Variants in POMT1 observed in about 807,000 individuals in gnomAD.
POMT1 encodes the protein protein O-mannosyl-transferase 1.
POMT1 carries 85 observed loss-of-function variants against 101.6 expected under a neutral mutation model. The ratio of observed to expected loss-of-function variants is 0.84; its 90% CI spans 0.70 to 1.00. The LOEUF (loss-of-function observed/expected upper bound fraction) is 1.00, where lower values mean the gene tolerates loss of function less well. POMT1 is among the 50% of genes least tolerant of loss of function. POMT1 has a pLI of 0.00. For synonymous variants in POMT1, 371 were observed against 383.0 expected, an observed-to-expected ratio of 0.97 and a Z score of 0.37; for missense variants, 857 against 930.4, an observed-to-expected ratio of 0.92 and a Z score of 1.03.
Position 131,518,496 on chromosome 9 carries a change from G to C in POMT1, c.1324G>C (p.Glu442Gln). The C allele has an allele frequency of 6.2e-7, 1 of 1,613,986 alleles. No homozygotes were observed. Among genetic ancestry groups the C allele is most frequent in the Non-Finnish European group, 8.5e-7 (1 of 1,180,026 alleles). Residue 442 changes from glutamate to glutamine, a missense_variant, in exon 14 of 20, where the codon GAG becomes CAG. Coordinates refer to ENST00000402686, the MANE Select transcript of POMT1 (RefSeq NM_001077365.2). ...AGACGTCTGGAAGACCATCCTCTCA[G>C]AGGTCCGCTTTGTGCACGTGAACAC... Reference protein sequence around the residue: ...DTDVWKTILSEVRFVHVNTSA... With the variant: ...DTDVWKTILSQVRFVHVNTSA...
At chr9:131,517,255 G>A (rs1192910022) in intron 13 of POMT1, among the ~76,000 whole-genome samples, 1 of 145,848 alleles carries the variant, frequency 6.9e-6, no homozygotes, top group Non-Finnish European at 1.5e-5. Context: ...TTTTGCGACT[G>A]GGTCTCACTC....
chr9:131,511,431 G>T lies in POMT1; in HGVS notation c.950G>T (p.Cys317Phe). Residue 317 changes from cysteine to phenylalanine, a missense_variant, in exon 10 of 20, where the codon TGC (cysteine) becomes TTC (phenylalanine). Coordinates refer to ENST00000402686, the MANE Select transcript of POMT1 (RefSeq NM_001077365.2). Reference protein sequence around the residue: ...LRNVFGKPVPCWLHSHQDTYP... With the variant: ...LRNVFGKPVPFWLHSHQDTYP... ...AACGTCTTTGGGAAACCTGTGCCCT[G>T]CTGGCTTCATTCCCACCAGGACACC... The T allele has an allele frequency of 6.2e-7, 1 of 1,614,196 alleles. No individual in the cohort carries two copies.
intron 17 of POMT1, chr9:131,521,110 T>C (rs1378260238): frequency 1.8e-6 from 1 of 553,632 alleles, no homozygotes; most frequent in East Asian, 3.5e-5. Context: ...CCCAAAGTGC[T>C]GGGATTACAG....
Position 131,504,244 on chromosome 9 carries a change from T to C in POMT1, c.26T>C (p.Val9Ala), listed in dbSNP as rs1945225387. Residue 9 changes from valine to alanine, a missense_variant, in exon 2 of 20, where the codon GTA becomes GCA. Coordinates refer to ENST00000402686, the MANE Select transcript of POMT1 (RefSeq NM_001077365.2). ...ATGTGGGGATTTTTGAAGCGCCCTG[T>C]AGTGGTGACGGCTGACATCAACTTG... MWGFLKRP[V>A]VVTADINLSL... The C allele has an allele frequency of 1.2e-6, 2 of 1,614,156 alleles. No individual in the cohort carries two copies. Among genetic ancestry groups the C allele is most frequent in the Non-Finnish European group, 1.7e-6 (2 of 1,180,012 alleles).
At chr9:131,511,112 G>GCTGAA (rs750589798) in intron 9 of POMT1, 9 of 539,760 alleles carry the variant, frequency 1.7e-5, no homozygotes, top group Non-Finnish European at 3.0e-5. Flanking sequence ...CGCGTGGAAG[G>GCTGAA]CTGAACTGAG....
At chr9:131,517,578 T>C (rs1203819044) in intron 13 of POMT1, among the ~76,000 whole-genome samples, 2 of 152,150 alleles carry the variant, frequency 1.3e-5, no homozygotes, top group Non-Finnish European at 2.9e-5. Flanking sequence ...TGCTCCAGAT[T>C]GGCTGTTCCA....
chr9:131,518,291 G>T, intron 13 of POMT1, 154 bp from the exon 14 acceptor site: 1 of 795,836 alleles, frequency 1.3e-6, no homozygotes, highest in Non-Finnish European at 2.3e-6. Flanking sequence ...TGGGAAGGAA[G>T]GCCAGTACCA....
chr9:131,509,660 C>A lies in POMT1; in HGVS notation c.540-83C>A. 4 of 1,612,712 alleles carry A rather than the reference C, an allele frequency of 2.5e-6. No homozygotes were observed. In the Admixed American group the frequency reaches 5.0e-5, roughly 20 times the overall value. ...ATGGCCAGCCGACCCAGAAAGATTT[C>A]TCTGAAGAATGTGGAGCTTCACTAG... On this transcript the variant is annotated intron_variant, in intron 6 of 19. Transcript: ENST00000402686.
In POMT1 at chr9:131,523,189, G is replaced by T; in HGVS notation, c.*83G>T. On this transcript the variant is annotated 3_prime_UTR_variant, in exon 20 of 20. Transcript: ENST00000402686. ...GGTCAATGTACGTAATGAGCAGGGTGGGCCCCACGCTGGGAGGACACGGGC... is the reference window on the plus strand; with the variant it reads ...GGTCAATGTACGTAATGAGCAGGGTTGGCCCCACGCTGGGAGGACACGGGC... 6.6e-7 allele frequency: 1 copy of T among 1,524,930 alleles called. No homozygotes were observed. Among genetic ancestry groups the T allele is most frequent in the Non-Finnish European group, 8.9e-7 (1 of 1,126,310 alleles). The allele number at this position is 1,524,930 out of a possible 1,614,324, so 94.5% of individuals were successfully genotyped here.
rs781082094 is a variant in POMT1, at chr9:131,522,242, A to C, written c.2003+18A>C. The C allele has an allele frequency of 1.2e-5, 19 of 1,611,748 alleles. No individual in the cohort carries two copies. Among genetic ancestry groups the C allele is most frequent in the Non-Finnish European group, 1.5e-5 (18 of 1,179,984 alleles). ...CTGTGCAGGTACGGGGGCTGCGGAG[A>C]CAGTGGCTGGACCGGGCAGCAGCCC... On this transcript the variant is annotated intron_variant, in intron 19 of 19. Transcript: ENST00000402686. This position sits in a 1 kb window ranked among gnomAD's most constrained non-coding sequence, Gnocchi z 5.5.
intron 5 of POMT1, among the ~76,000 whole-genome samples, chr9:131,508,496 A>G (rs1946359540): frequency 1.3e-5 from 2 of 152,160 alleles, no homozygotes; most frequent in Non-Finnish European, 2.9e-5. Flanking sequence ...GTACCACTGC[A>G]CTCCAGCCTG....
chr9:131,506,362 T>C (rs768072231), intron 3 of POMT1, 41 bp from the exon 4 acceptor site: 21 of 1,594,356 alleles, frequency 1.3e-5, no homozygotes, highest in Non-Finnish European at 1.8e-5. Context: ...TCTAGAAATA[T>C]TTGCTGAATG....
At chr9:131,504,990 C>T (rs1216386674) in intron 2 of POMT1, among the ~76,000 whole-genome samples, 1 of 152,122 alleles carries the variant, frequency 6.6e-6, no homozygotes, top group Admixed American at 6.5e-5. Flanking sequence ...CTTGGCCAGG[C>T]TGGTATTGAA....
Position 131,510,042 on chromosome 9 carries a change from C to T in POMT1, c.699+46C>T. ...CTGCATGAGGCCGGCCTGTATGGGG[C>T]AGATGCAGATGTCACAGGGGGTACT... On this transcript the variant is annotated intron_variant, in intron 8 of 19. Coordinates refer to ENST00000402686, the MANE Select transcript of POMT1 (RefSeq NM_001077365.2). 2.5e-6 allele frequency: 4 copies of T among 1,614,098 alleles called. No homozygotes were observed. Among genetic ancestry groups the T allele is most frequent in the Non-Finnish European group, 3.4e-6 (4 of 1,179,956 alleles).
In POMT1 at chr9:131,523,188, T is replaced by C; in HGVS notation, c.*82T>C. 6.5e-7 allele frequency: 1 copy of C among 1,526,794 alleles called. No individual in the cohort carries two copies. Among genetic ancestry groups the C allele is most frequent in the East Asian group, 2.3e-5 (1 of 43,642 alleles). 94.6% of individuals were successfully genotyped at this position (1,526,794 alleles called of 1,614,324 possible). ...TGGTCAATGTACGTAATGAGCAGGGTGGGCCCCACGCTGGGAGGACACGGG... is the reference window on the plus strand; with the variant it reads ...TGGTCAATGTACGTAATGAGCAGGGCGGGCCCCACGCTGGGAGGACACGGG... On this transcript the variant is annotated 3_prime_UTR_variant, in exon 20 of 20. Transcript: ENST00000402686.
Position 131,509,920 on chromosome 9 carries a change from T to A in POMT1, c.623T>A (p.Val208Glu). 6.2e-7 allele frequency: 1 copy of A among 1,614,226 alleles called. No individual in the cohort carries two copies. Among genetic ancestry groups the A allele is most frequent in the Non-Finnish European group, 8.5e-7 (1 of 1,180,036 alleles). Residue 208 changes from valine (V) to glutamate (E), a missense_variant, in exon 8 of 20, where the codon GTG (valine) becomes GAG (glutamate). Coordinates refer to ENST00000402686, the MANE Select transcript of POMT1 (RefSeq NM_001077365.2). Reference protein sequence around the residue: ...SCAVGIKYMGVFTYVLVLGVA... With the variant: ...SCAVGIKYMGEFTYVLVLGVA... ...CTTTGCAGCATCAAGTACATGGGTG[T>A]GTTCACGTACGTGCTCGTGCTGGGT...
chr9:131,520,748 TG>T (rs543529565), intron 17 of POMT1, among the ~76,000 whole-genome samples: 72 of 152,362 alleles, frequency 4.7e-4, no homozygotes, highest in African/African-American at 1.7e-3. Flanking sequence ...TTCTCCTCCG[TG>T]GACAGCGCTG....
chr9:131,510,237 ACTT>A lies in POMT1; in HGVS notation c.700-22_700-20del. 1 of 1,614,160 alleles carries A rather than the reference ACTT, an allele frequency of 6.2e-7. No homozygotes were observed. Among genetic ancestry groups the A allele is most frequent in the Non-Finnish European group, 8.5e-7 (1 of 1,179,984 alleles). On this transcript the variant is annotated intron_variant, in intron 8 of 19. Coordinates refer to ENST00000402686, the MANE Select transcript of POMT1 (RefSeq NM_001077365.2). ...ACGCTTTTCCACGCAGTGGAACATG[ACTT>A]TTCTTTGAATCTCTGGCAGGTCTGT...
chr9:131,517,672 C>T (rs1233928594), intron 13 of POMT1, among the ~76,000 whole-genome samples: 1 of 152,080 alleles, frequency 6.6e-6, no homozygotes, highest in Admixed American at 6.5e-5. Context: ...TCCATCCCCG[C>T]CCCCCCACAG....
Sources: allele counts gnomAD v4.1 joint callset (sites outside exome capture counted in the v4.1 genomes callset), GRCh38; gene constraint gnomAD v4.1.1; non-coding constraint Gnocchi (gnomAD v3.1); transcripts MANE v1.5; gene names NCBI Gene and HGNC (gene_info 2026-07-23, HGNC 2026-07-21).